The following TACR3 variants were observed in gnomAD, a reference collection of about 807,000 sequenced individuals.
TACR3 encodes tachykinin receptor 3.
Under a neutral mutation model 35.0 loss-of-function variants are expected in TACR3, and 34 were observed. That is an observed-to-expected ratio of 0.97 (90% CI 0.74 to 1.30). The LOEUF is 1.30. Ranked by LOEUF, TACR3 falls within the 50% of genes most tolerant of loss-of-function variation. TACR3 has a pLI of 0.00. For synonymous variants in TACR3, 233 were observed against 221.1 expected (o/e 1.05, Z -0.48); for missense variants, 558 against 591.7 (o/e 0.94, Z 0.59).
intron 3 of TACR3, among the ~76,000 whole-genome samples, chr4:103,625,602 C>G (rs1724870716): frequency 6.6e-6 from 1 of 152,010 alleles, no homozygotes; most frequent in Non-Finnish European, 1.5e-5. Context: ...TGTAATTCTA[C>G]CTTTATTTAG....
intron 3 of TACR3, among the ~76,000 whole-genome samples, chr4:103,601,963 T>G (rs1211102006): frequency 6.6e-6 from 1 of 152,238 alleles, no homozygotes; most frequent in African/African-American, 2.4e-5. Context: ...TTCTCCTAGA[T>G]AGTATCCTGC....
At chr4:103,607,593 TAAG>T (rs764715627) in intron 3 of TACR3, among the ~76,000 whole-genome samples, 10 of 152,188 alleles carry the variant, frequency 6.6e-5, no homozygotes, top group Admixed American at 1.3e-4. Flanking sequence ...AATATAGGCT[TAAG>T]AAAGAAATAC....
chr4:103,601,049 A>G (rs1039561887), intron 3 of TACR3, among the ~76,000 whole-genome samples: 1 of 152,108 alleles, frequency 6.6e-6, no homozygotes, highest in Non-Finnish European at 1.5e-5. Context: ...TCTAATGTTG[A>G]CAGTGGGATG....
chr4:103,687,346 A>G (rs1722273651), intron 1 of TACR3, among the ~76,000 whole-genome samples: 1 of 152,264 alleles, frequency 6.6e-6, no homozygotes, highest in Non-Finnish European at 1.5e-5. Context: ...CAAGACAGGG[A>G]TGCCCTCTCT....
intron 3 of TACR3, among the ~76,000 whole-genome samples, chr4:103,635,861 C>A (rs977232183): frequency 4.6e-5 from 7 of 151,958 alleles, no homozygotes; most frequent in Non-Finnish European, 8.8e-5. Flanking sequence ...ACCAGTCTAG[C>A]AACCAGCAGT....
chr4:103,703,589 A>C (rs79710977), intron 1 of TACR3, among the ~76,000 whole-genome samples: 1 of 152,262 alleles, frequency 6.6e-6, no homozygotes, highest in East Asian at 1.9e-4. Flanking sequence ...ACTGTGTCTA[A>C]TGAAGTGGTG....
intron 1 of TACR3, among the ~76,000 whole-genome samples, chr4:103,680,733 T>C (rs559813283): frequency 6.6e-6 from 1 of 151,744 alleles, no homozygotes; most frequent in Non-Finnish European, 1.5e-5. Context: ...GAAATTACTG[T>C]TGACAACTAT....
chr4:103,595,362 C>G (rs1291125927), intron 3 of TACR3, among the ~76,000 whole-genome samples: 1 of 152,078 alleles, frequency 6.6e-6, no homozygotes. Context: ...TGGAAACTTA[C>G]AAGCAGGATA....
At chr4:103,664,477 T>A (rs1445267121) in intron 1 of TACR3, among the ~76,000 whole-genome samples, 3 of 152,220 alleles carry the variant, frequency 2.0e-5, no homozygotes, top group Admixed American at 6.5e-5. Flanking sequence ...CTTCAGATGT[T>A]TATTTGATTG....
chr4:103,660,529 A>AACACACAC (rs143828536), intron 1 of TACR3, among the ~76,000 whole-genome samples: 35 of 150,608 alleles, frequency 2.3e-4, no homozygotes, highest in Middle Eastern at 3.4e-3. Context: ...AAGTGTTCTT[A>AACACACAC]ACACACACAC....
intron 3 of TACR3, among the ~76,000 whole-genome samples, chr4:103,647,054 G>C (rs968266117): frequency 2.0e-5 from 3 of 151,848 alleles, no homozygotes; most frequent in Non-Finnish European, 4.4e-5. Context: ...AGCAAGGCAA[G>C]GGATTCATGA....
At chr4:103,686,641 G>A (rs1722248257) in intron 1 of TACR3, among the ~76,000 whole-genome samples, 1 of 152,088 alleles carries the variant, frequency 6.6e-6, no homozygotes, top group South Asian at 2.1e-4. Flanking sequence ...ACATGAAAGA[G>A]GAAAACATAA....
intron 3 of TACR3, among the ~76,000 whole-genome samples, chr4:103,594,926 C>A (rs201991492): frequency 1.5e-5 from 2 of 137,328 alleles, no homozygotes; most frequent in South Asian, 4.5e-4. Flanking sequence ...ATACTGTTAC[C>A]TTGGCACTCT....
intron 3 of TACR3, among the ~76,000 whole-genome samples, chr4:103,595,702 G>A (rs1723991057): frequency 6.6e-6 from 1 of 151,458 alleles, no homozygotes; most frequent in African/African-American, 2.4e-5. Flanking sequence ...AAAACTCTAG[G>A]GGTCATATTC....
At position 103,658,505 on chromosome 4, in the gene TACR3, T is replaced by A. The variant is rs111953382; in HGVS notation, c.549-102A>T. 3 of 1,127,730 alleles carry A rather than the reference T, an allele frequency of 2.7e-6. No individual in the cohort carries two copies. The South Asian group carries it at 4.0e-5, about 15-fold the overall frequency. The allele number at this position is 1,127,730 out of a possible 1,614,324, so 69.9% of individuals were successfully genotyped here. A position where few individuals can be genotyped will look rare whatever the true frequency, so the allele number is the denominator to read the frequency against. On this transcript the variant is annotated intron_variant, in intron 1 of 4. Transcript: ENST00000304883. ...AAAGGCGTTTCAATAGTTACAGTCA[T>A]TGCTCTTTTGGGAAACCAGTTGATA...
chr4:103,606,402 A>G (rs1724364019), intron 3 of TACR3, among the ~76,000 whole-genome samples: 1 of 152,152 alleles, frequency 6.6e-6, no homozygotes, highest in South Asian at 2.1e-4. Flanking sequence ...TTGAATCTGT[A>G]AATTACCTTG....
chr4:103,651,319 C>T (rs1376749753), intron 3 of TACR3, among the ~76,000 whole-genome samples: 1 of 149,242 alleles, frequency 6.7e-6, no homozygotes, highest in Non-Finnish European at 1.5e-5. Context: ...CAGTTGTTTC[C>T]CCTCTTCCGT....
At chr4:103,639,005 G>T (rs1725279108) in intron 3 of TACR3, among the ~76,000 whole-genome samples, 1 of 152,262 alleles carries the variant, frequency 6.6e-6, no homozygotes, top group African/African-American at 2.4e-5. Context: ...CTGTAAACTA[G>T]TTCAACCATT....
chr4:103,587,183 T>G lies in TACR3; in HGVS notation c.*2499A>C, dbSNP rs557519984. On this transcript the variant is annotated 3_prime_UTR_variant, in exon 5 of 5. Transcript: ENST00000304883. ...AAAATGAATCTCACTGAATTTGATT[T>G]TGTGCATTATTCTGTAATTCTTATT... 25 of 152,198 alleles carry G rather than the reference T, an allele frequency of 1.6e-4. No homozygotes were observed. The highest frequency in any genetic ancestry group is 6.0e-4 in the African/African-American group (25 of 41,508). The allele number at this position is 152,198 out of a possible 1,614,324, so 9.4% of individuals were successfully genotyped here.
Sources: allele counts gnomAD v4.1 joint callset (sites outside exome capture counted in the v4.1 genomes callset), GRCh38; gene constraint gnomAD v4.1.1; transcripts MANE v1.5; gene names NCBI Gene and HGNC (gene_info 2026-07-23, HGNC 2026-07-21).